Variants in NUP107 observed in about 807,000 individuals in gnomAD.
NUP107 encodes the protein nucleoporin 107, also known as nuclear pore complex protein Nup107.
In NUP107, 101 loss-of-function variants were observed where a neutral mutation model predicts 141.0. The ratio of observed to expected loss-of-function variants is 0.72; its 90% CI spans 0.61 to 0.84. NUP107 has a LOEUF of 0.84. NUP107 is among the 40% of genes least tolerant of loss of function. The probability of loss-of-function intolerance (pLI) is 0.00; values close to 1 mark genes in which losing one functional copy is unlikely to be tolerated. For missense variants in NUP107, 941 were observed against 1,102.7 expected (o/e 0.85, Z 2.08); for synonymous variants, 319 against 363.9 (o/e 0.88, Z 1.41).
intron 17 of NUP107, among the ~76,000 whole-genome samples, chr12:68,725,483 G>A (rs1877520215): frequency 6.6e-6 from 1 of 152,148 alleles, no homozygotes; most frequent in African/African-American, 2.4e-5. Context: ...AGATTAAATT[G>A]TTATAACATA....
rs1204730194 is a variant in NUP107 at position 68,745,041 on chromosome 12, AG to A, written c.*2581del. On this transcript the variant is annotated 3_prime_UTR_variant, in exon 28 of 28. Coordinates refer to ENST00000229179, the MANE Select transcript of NUP107 (RefSeq NM_020401.4). ...TGCATGAAGGCTACAAAGTTGGAAC[AG>A]GCATGTCCTGGGTGTGAAAGTTTTA... 5 of 152,240 alleles carry A rather than the reference AG, an allele frequency of 3.3e-5. No homozygotes were observed. Among genetic ancestry groups the A allele is most frequent in the African/African-American group, 1.2e-4 (5 of 41,462 alleles). The allele number at this position is 152,240 out of a possible 1,614,324, so 9.4% of individuals were successfully genotyped here.
Position 68,692,031 on chromosome 12 carries a change from A to C in NUP107, c.367A>C (p.Thr123Pro), listed in dbSNP as rs773774189. The change falls in exon 5 of 28, where the codon ACA becomes CCA. Residue 123 changes from threonine (T) to proline (P), a missense_variant. Thr to Pro is a conservative substitution (Grantham distance 38, BLOSUM62 -1). Coordinates refer to ENST00000229179, the MANE Select transcript of NUP107 (RefSeq NM_020401.4). Reference protein sequence around the residue: ...AFSSQRSGLFTNTEPHSITED... With the variant: ...AFSSQRSGLFPNTEPHSITED... The stretch of plus-strand genomic sequence containing the variant: ...TTCATCACAGCGTTCCGGGCTGTTC[A>C]CAAACACAGAGCCCCACAGTATAAC... The C allele has an allele frequency of 1.9e-6, 3 of 1,612,248 alleles. No homozygotes were observed. In the South Asian group the frequency reaches 3.3e-5, roughly 18 times the overall value.
At chr12:68,706,845 A>G in intron 8 of NUP107, 1 of 758,538 alleles carries the variant, frequency 1.3e-6, no homozygotes, top group Non-Finnish European at 2.4e-6. Context: ...GGGATGCAGA[A>G]CATGAGTATC....
chr12:68,698,106 C>T (rs1389199981), intron 6 of NUP107, among the ~76,000 whole-genome samples: 1 of 151,512 alleles, frequency 6.6e-6, no homozygotes, highest in East Asian at 1.9e-4. Context: ...TGAGATACTA[C>T]AACATACCTA....
At chr12:68,701,309 TA>T (rs1315771456) in intron 7 of NUP107, among the ~76,000 whole-genome samples, 3 of 152,158 alleles carry the variant, frequency 2.0e-5, no homozygotes, top group African/African-American at 7.2e-5. Context: ...CTCAAAAAAT[TA>T]AAAACTACTA....
Position 68,733,598 on chromosome 12 carries a change from A to T in NUP107, c.2248A>T (p.Ile750Phe), listed in dbSNP as rs765544363. Residue 750 changes from isoleucine (I) to phenylalanine (F), a missense_variant, in exon 24 of 28, where the codon ATC (isoleucine) becomes TTC (phenylalanine). By Grantham distance (21) the Ile-to-Phe change is conservative. Coordinates refer to ENST00000229179, the MANE Select transcript of NUP107 (RefSeq NM_020401.4). ...DDNAIREHLCIRAYLEAHETF... is the reference protein window; with the variant it reads ...DDNAIREHLCFRAYLEAHETF... ...TAATGCTATCCGAGAACATTTGTGCATCAGAGCTTATTTGGTGAGACTGTA... is the reference window on the plus strand; with the variant it reads ...TAATGCTATCCGAGAACATTTGTGCTTCAGAGCTTATTTGGTGAGACTGTA... 6.2e-7 allele frequency: 1 copy of T among 1,610,844 alleles called. No homozygotes were observed. The highest frequency in any genetic ancestry group is 1.3e-5 in the African/African-American group (1 of 74,788).
Position 68,732,662 on chromosome 12 carries a change from TTGAC to T in NUP107, c.2027_2030del (p.Asp676GlyfsTer13), listed in dbSNP as rs1356610627. ...GAGGATCGTTTAAAAATTGATGTAA[TTGAC>T]TGGTTGGTATTTGACCCAGCGCAGA... is the stretch of plus-strand genomic sequence containing the variant. On this transcript the variant is annotated frameshift_variant, in exon 23 of 28. Coordinates refer to ENST00000229179, the MANE Select transcript of NUP107 (RefSeq NM_020401.4). LOFTEE classifies it high-confidence loss of function. 3 of 1,600,392 alleles carry T rather than the reference TTGAC, an allele frequency of 1.9e-6. No individual in the cohort carries two copies. Among genetic ancestry groups the T allele is most frequent in the Admixed American group, 1.7e-5 (1 of 59,530 alleles).
chr12:68,700,742 A>G lies in NUP107; in HGVS notation c.569A>G (p.Lys190Arg). The change falls in exon 7 of 28, where the codon AAA (lysine) becomes AGA (arginine). Residue 190 changes from lysine (K) to arginine (R), a missense_variant. Transcript: ENST00000229179. ...TTTATTCAGGTGAATATACTGAGTA[A>G]AATAGTGAGTCGAGCAACACCTGGA... Reference protein sequence around the residue: ...ICGSQVNILSKIVSRATPGLQ... With the variant: ...ICGSQVNILSRIVSRATPGLQ... The G allele has an allele frequency of 6.2e-7, 1 of 1,607,112 alleles. No individual in the cohort carries two copies. Among genetic ancestry groups the G allele is most frequent in the Non-Finnish European group, 8.5e-7 (1 of 1,178,280 alleles).
intron 18 of NUP107, 33 bp from the exon 19 acceptor site, chr12:68,726,466 C>A: frequency 1.5e-6 from 2 of 1,326,250 alleles, no homozygotes; most frequent in Non-Finnish European, 2.2e-6. Context: ...GATTTTATTC[C>A]TATTGTTGAA....
intron 8 of NUP107, among the ~76,000 whole-genome samples, chr12:68,708,825 G>C (rs1004174254): frequency 6.6e-6 from 1 of 152,056 alleles, no homozygotes; most frequent in Non-Finnish European, 1.5e-5. Flanking sequence ...CACCATTTTG[G>C]CCAGACTGGT....
intron 6 of NUP107, among the ~76,000 whole-genome samples, chr12:68,697,975 C>T (rs1375457174): frequency 6.6e-6 from 1 of 151,240 alleles, no homozygotes; most frequent in Non-Finnish European, 1.5e-5. Context: ...TTGCAGTGAA[C>T]CAAGATTGAG....
chr12:68,712,225 G>A (rs1412027077), intron 10 of NUP107, among the ~76,000 whole-genome samples: 1 of 152,008 alleles, frequency 6.6e-6, no homozygotes, highest in Admixed American at 6.6e-5. Context: ...GCTCACACCT[G>A]TAATCCTAGC....
At position 68,713,775 on chromosome 12, in the gene NUP107, C is replaced by A. The variant is rs370818496; in HGVS notation, c.936C>A (p.Tyr312Ter). The A allele has an allele frequency of 6.2e-7, 1 of 1,610,274 alleles. No individual in the cohort carries two copies. Among genetic ancestry groups the A allele is most frequent in the Non-Finnish European group, 8.5e-7 (1 of 1,178,756 alleles). The change falls in exon 11 of 28, where the codon TAC becomes TAA. Residue 312 changes from tyrosine (Y) to a stop codon, truncating the protein, a stop_gained. Transcript: ENST00000229179. LOFTEE classifies it high-confidence loss of function. Reference sequence around the variant, plus strand: ...TAAAACAACGGCAGCTGACTTCTTACGTTGGAAGTGTTCGTCCGCTTGTCA... The same window carrying A: ...TAAAACAACGGCAGCTGACTTCTTAAGTTGGAAGTGTTCGTCCGCTTGTCA... ...HTLKQRQLTS[Y>*]VGSVRPLVTE...
chr12:68,729,484 T>A (rs1877720874), intron 20 of NUP107, among the ~76,000 whole-genome samples: 1 of 151,756 alleles, frequency 6.6e-6, no homozygotes, highest in South Asian at 2.1e-4. Flanking sequence ...ATGCCCGGGC[T>A]GGAGTGTAGT....
intron 12 of NUP107, 64 bp downstream of exon 12, chr12:68,715,804 A>G (rs1877078768): frequency 2.0e-6 from 2 of 986,600 alleles, no homozygotes; most frequent in African/African-American, 3.2e-5. Context: ...GTTGGAAGAG[A>G]TTTTTGTGGC....
In NUP107 at chr12:68,690,678, A is replaced by G. The variant is rs868830685; in HGVS notation, c.235A>G (p.Ile79Val). Reference protein sequence around the residue: ...SLLRQPDISCILGTGGKSPRL... With the variant: ...SLLRQPDISCVLGTGGKSPRL... ...ACTAAGGCAGCCAGATATTTCCTGC[A>G]TTCTTGGAACAGGAGGGAAGTCGCC... Residue 79 changes from isoleucine to valine, a missense_variant, in exon 4 of 28, where the codon ATT becomes GTT. Transcript: ENST00000229179. The G allele has an allele frequency of 5.6e-6, 9 of 1,614,146 alleles. No homozygotes were observed. In the Middle Eastern group the frequency reaches 1.2e-3, roughly 207 times the overall value.
At chr12:68,708,256 G>A (rs1224405397) in intron 8 of NUP107, among the ~76,000 whole-genome samples, 1 of 151,904 alleles carries the variant, frequency 6.6e-6, no homozygotes, top group Non-Finnish European at 1.5e-5. Context: ...TAACTTATGA[G>A]GATATATATA....
chr12:68,692,637 C>T (rs1053328180), intron 5 of NUP107, among the ~76,000 whole-genome samples: 2 of 151,410 alleles, frequency 1.3e-5, no homozygotes, highest in African/African-American at 4.8e-5. Flanking sequence ...TGCAGAAATG[C>T]AGTGGCACAA....
Position 68,733,100 on chromosome 12 carries a change from C to T in NUP107, c.2102-352C>T, listed in dbSNP as rs550449913. On this transcript the variant is annotated intron_variant, in intron 23 of 27. Coordinates refer to ENST00000229179, the MANE Select transcript of NUP107 (RefSeq NM_020401.4). ...GAGGAGAAAACCAGCCACTCTTTAT[C>T]TATCAAACCTGGTATTATGAAACAA... Among the ~76,000 whole-genome samples the T allele has an allele frequency of 1.4e-4, 20 of 142,092 alleles. No homozygotes were observed. The South Asian group carries it at 4.5e-3, about 32-fold the overall frequency. 93.2% of individuals were successfully genotyped at this position (142,092 alleles called of 152,430 possible).
Sources: gnomAD v4.1 joint callset for allele counts (sites outside exome capture counted in the v4.1 genomes callset) on GRCh38, gnomAD v4.1.1 for gene constraint, MANE v1.5 for transcripts, NCBI Gene and HGNC (gene_info 2026-07-23, HGNC 2026-07-21) for gene names.